The following SLC24A1 variants were observed in gnomAD, a reference collection of about 807,000 sequenced individuals.
SLC24A1 encodes the protein solute carrier family 24 member 1.
In SLC24A1, 52 loss-of-function variants were observed where a neutral mutation model predicts 88.1. The ratio of observed to expected loss-of-function variants is 0.59; its 90% CI spans 0.47 to 0.74. The LOEUF is 0.74. Ranked by LOEUF, SLC24A1 falls within the 30% of genes least tolerant of loss-of-function variation. SLC24A1 has a pLI of 0.00. For missense variants in SLC24A1, 1,173 were observed against 1,363.3 expected, an observed-to-expected ratio of 0.86 and a Z score of 2.20; for synonymous variants, 455 against 498.0, an observed-to-expected ratio of 0.91 and a Z score of 1.15.
chr15:65,626,109 T>G (rs2074506601), intron 2 of SLC24A1, 139 bp downstream of exon 2: 3 of 705,244 alleles, frequency 4.3e-6, no homozygotes, highest in Non-Finnish European at 5.0e-6. Flanking sequence ...TCAACATTTA[T>G]AGAGTACCTG....
rs1006430227 is a variant in SLC24A1 at position 65,625,916 on chromosome 15, G to A, written c.1836G>A (p.Glu612=). The A allele has an allele frequency of 2.5e-6, 4 of 1,613,912 alleles. No homozygotes were observed. The African/African-American group carries it at 5.3e-5, about 22-fold the overall frequency. The part of the protein sequence containing the change: ...WNKHIEVWVK[E]QLSRRPVAKV... ...AGCATATCGAGGTCTGGGTGAAGGA[G>A]CAGCTCAGCAGGAGGCCAGTGGCCA... is the stretch of plus-strand genomic sequence containing the variant. The change falls in exon 2 of 10, where the codon GAG becomes GAA. Residue 612 remains glutamate, a synonymous_variant. Transcript: ENST00000261892.
chr15:65,642,470 G>GAAGGA (rs543682166), intron 4 of SLC24A1, among the ~76,000 whole-genome samples: 157 of 152,306 alleles, frequency 1.0e-3, no homozygotes, highest in African/African-American at 3.5e-3. Flanking sequence ...ATGAGGATGA[G>GAAGGA]AAGGAAAGGG....
At chr15:65,644,266 G>A (rs1478755957) in intron 4 of SLC24A1, 161 bp from the exon 5 acceptor site, 4 of 663,940 alleles carry the variant, frequency 6.0e-6, no homozygotes, top group African/African-American at 3.5e-5. Context: ...CCACAACTAG[G>A]CCTCGTAGGA....
At chr15:65,639,562 A>C in intron 3 of SLC24A1, 33 bp from the exon 4 acceptor site, 17 of 1,152,856 alleles carry the variant, frequency 1.5e-5, no homozygotes, top group Middle Eastern at 2.1e-4. Flanking sequence ...TGGCTTGGAC[A>C]GGGGCCCACT....
downstream of SLC24A1, among the ~76,000 whole-genome samples, chr15:65,657,821 C>T (rs1265115969): frequency 2.0e-5 from 3 of 152,072 alleles, no homozygotes; most frequent in South Asian, 2.1e-4. Context: ...AGCTGCCTAT[C>T]CCTGGGGGTT....
intron 2 of SLC24A1, among the ~76,000 whole-genome samples, chr15:65,636,895 G>A (rs866595797): frequency 1.6e-5 from 2 of 122,618 alleles, no homozygotes; most frequent in African/African-American, 4.3e-5. Flanking sequence ...AATAATAATA[G>A]TAATCCCAAA....
intron 6 of SLC24A1, among the ~76,000 whole-genome samples, chr15:65,649,631 T>C (rs2075428197): frequency 6.6e-6 from 1 of 152,222 alleles, no homozygotes; most frequent in Admixed American, 6.5e-5. Context: ...ATATCATGAA[T>C]TAATTGATTC....
In SLC24A1 at chr15:65,612,614, G is replaced by T. The variant is rs1309868391; in HGVS notation, c.-228+1G>T. 4 of 152,284 alleles carry T rather than the reference G, an allele frequency of 2.6e-5. No homozygotes were observed. The highest frequency in any genetic ancestry group is 9.6e-5 in the African/African-American group (4 of 41,460). The allele number at this position is 152,284 out of a possible 1,614,324, so 9.4% of individuals were successfully genotyped here. A position where few individuals can be genotyped will look rare whatever the true frequency, so the allele number is the denominator to read the frequency against. On this transcript the variant is annotated splice_donor_variant, in intron 2 of 11. Transcript: ENST00000537259. LOFTEE classifies it low-confidence loss of function (5UTR_SPLICE). Reference sequence around the variant, plus strand: ...TGCTTGAGCAGGCATTGGGCTCCAGGTAAGTAAGGCTGCAGCCTGATAACT... The same window carrying T: ...TGCTTGAGCAGGCATTGGGCTCCAGTTAAGTAAGGCTGCAGCCTGATAACT...
At position 65,644,491 on chromosome 15, in the gene SLC24A1, CA is replaced by C; in HGVS notation, c.2121del (p.Ala708GlnfsTer114). 1 of 1,592,482 alleles carries C rather than the reference CA, an allele frequency of 6.3e-7. No individual in the cohort carries two copies. The highest frequency in any genetic ancestry group is 8.6e-7 in the Non-Finnish European group (1 of 1,169,578). On this transcript the variant is annotated frameshift_variant, in exon 5 of 10. Coordinates refer to ENST00000261892, the MANE Select transcript of SLC24A1 (RefSeq NM_004727.3). LOFTEE classifies it high-confidence loss of function. ...NQGARAQPQA[K>X]AESKPEEEEP... ...AAGGGGCCAGAGCCCAACCCCAGGC[CA>C]AAGCAGAAAGCAAACCAGAAGGTGA...
chr15:65,611,846 G>A (rs1288108829), intron 1 of SLC24A1: 1 of 152,332 alleles, frequency 6.6e-6, no homozygotes, highest in Non-Finnish European at 1.5e-5. Context: ...CTACTTGGGA[G>A]GCTAACGCAC....
In SLC24A1 at chr15:65,625,323, C is replaced by G. The variant is rs568642329; in HGVS notation, c.1243C>G (p.Leu415Val). ...TCCCTCCCCAAGCCTCACAACAGCCCTGCTCCCAGAGGAGCTCAGTCCTAG... is the reference window on the plus strand; with the variant it reads ...TCCCTCCCCAAGCCTCACAACAGCCGTGCTCCCAGAGGAGCTCAGTCCTAG... The part of the protein sequence containing the change: ...TTPSPSLTTA[L>V]LPEELSPSPS... The change falls in exon 2 of 10, where the codon CTG becomes GTG. Residue 415 changes from leucine to valine, a missense_variant. Transcript: ENST00000261892. 2.2e-5 allele frequency: 35 copies of G among 1,614,044 alleles called. No homozygotes were observed. The Middle Eastern group carries it at 4.9e-4, about 23-fold the overall frequency.
At chr15:65,627,174 TAGAG>T (rs1342568322) in intron 2 of SLC24A1, among the ~76,000 whole-genome samples, 2 of 152,218 alleles carry the variant, frequency 1.3e-5, no homozygotes, top group Non-Finnish European at 2.9e-5. Context: ...AAGCACGGAA[TAGAG>T]AGCCAGGAAA....
chr15:65,654,022 C>A lies in SLC24A1; in HGVS notation c.3243C>A (p.Phe1081Leu). 1 of 1,613,682 alleles carries A rather than the reference C, an allele frequency of 6.2e-7. No individual in the cohort carries two copies. The highest frequency in any genetic ancestry group is 1.1e-5 in the South Asian group (1 of 91,078). The change falls in exon 10 of 10, where the codon TTC (phenylalanine) becomes TTA (leucine). Residue 1081 changes from phenylalanine to leucine, a missense_variant. Coordinates refer to ENST00000261892, the MANE Select transcript of SLC24A1 (RefSeq NM_004727.3). The part of the protein sequence containing the change: ...GFTMFLLYFV[F>L]LIISVMLEDR... ...CAATGTTCCTCCTTTACTTTGTATT[C>A]CTGATAATCAGTGTGATGTTAGAAG...
chr15:65,640,700 G>A (rs549112280), intron 4 of SLC24A1, among the ~76,000 whole-genome samples: 26 of 152,230 alleles, frequency 1.7e-4, no homozygotes, highest in Admixed American at 6.5e-4. Flanking sequence ...AATTTTCGGG[G>A]CTCAGAATTT....
At chr15:65,619,122 A>G (rs1302467481), upstream of SLC24A1, 1 of 152,254 alleles carries the variant, frequency 6.6e-6, no homozygotes, top group Non-Finnish European at 1.5e-5. Flanking sequence ...AATATAAACA[A>G]AAGGTCTTAG....
Position 65,654,915 on chromosome 15 carries a change from G to C in SLC24A1, c.*836G>C, listed in dbSNP as rs2075629717. 9.0e-7 allele frequency: 1 copy of C among 1,106,146 alleles called. No individual in the cohort carries two copies. Among genetic ancestry groups the C allele is most frequent in the African/African-American group, 1.7e-5 (1 of 58,616 alleles). The allele number at this position is 1,106,146 out of a possible 1,614,324, so 68.5% of individuals were successfully genotyped here. On this transcript the variant is annotated 3_prime_UTR_variant, in exon 10 of 10. Transcript: ENST00000261892. Reference sequence around the variant, plus strand: ...GCCTGGCCTATACCAGTATTTTCTAGTTTAAAGGAGGACTACATTAACTCT... The same window carrying C: ...GCCTGGCCTATACCAGTATTTTCTACTTTAAAGGAGGACTACATTAACTCT...
intron 2 of SLC24A1, among the ~76,000 whole-genome samples, chr15:65,613,623 T>A (rs1450734028): frequency 6.6e-6 from 1 of 152,064 alleles, no homozygotes; most frequent in African/African-American, 2.4e-5. Context: ...TAGCTGGGAC[T>A]ACAGGCATGT....
intron 2 of SLC24A1, 122 bp from the exon 3 acceptor site, chr15:65,638,006 A>T (rs1457927688): frequency 1.4e-6 from 1 of 728,846 alleles, no homozygotes; most frequent in Non-Finnish European, 2.5e-6. Flanking sequence ...ACATTTTCTG[A>T]GACCAGGTTA....
Position 65,654,432 on chromosome 15 carries a change from C to T in SLC24A1, c.*353C>T. On this transcript the variant is annotated 3_prime_UTR_variant, in exon 10 of 10. Transcript: ENST00000261892. ...CAGCTATAAGACAAGCTCCTACGCTCACTGTTCCCTGATCATTCCAAAGGC... is the reference window on the plus strand; with the variant it reads ...CAGCTATAAGACAAGCTCCTACGCTTACTGTTCCCTGATCATTCCAAAGGC... The T allele has an allele frequency of 1.7e-6, 2 of 1,164,850 alleles. No individual in the cohort carries two copies. Among genetic ancestry groups the T allele is most frequent in the Non-Finnish European group, 2.1e-6 (2 of 937,218 alleles). 72.2% of individuals were successfully genotyped at this position (1,164,850 alleles called of 1,614,324 possible).
Sources: allele counts gnomAD v4.1 joint callset (sites outside exome capture counted in the v4.1 genomes callset), GRCh38; gene constraint gnomAD v4.1.1; transcripts MANE v1.5; gene names NCBI Gene and HGNC (gene_info 2026-07-23, HGNC 2026-07-21).